The following ZNF324B variants were observed in gnomAD, a reference collection of about 807,000 sequenced individuals.
ZNF324B encodes zinc finger protein 324B.
ZNF324B carries 7 observed loss-of-function variants against 10.6 expected under a neutral mutation model. That is an observed-to-expected ratio of 0.66 (90% CI 0.38 to 1.24). The LOEUF (loss-of-function observed/expected upper bound fraction) is 1.24, where lower values mean the gene tolerates loss of function less well. Ranked by LOEUF, ZNF324B falls within the 50% of genes most tolerant of loss-of-function variation. The probability of loss-of-function intolerance (pLI) is 0.02; values close to 1 mark genes in which losing one functional copy is unlikely to be tolerated. For missense variants in ZNF324B, 640 were observed against 764.7 expected (o/e 0.84, Z 1.92); for synonymous variants, 316 against 321.0 (o/e 0.98, Z 0.17).
rs191828709 is a variant in ZNF324B, at chr19:58,455,208, A to G, written c.264A>G (p.Arg88=). The change falls in exon 4 of 4, where the codon AGA becomes AGG. Residue 88 remains arginine (R), a synonymous_variant. Transcript: ENST00000336614. The surrounding 1 kb of genome is among the most constrained non-coding windows in gnomAD (Gnocchi z 7.0). ...NSGSWSLTED[R]DVSGEWPRAF... ...GTTCCTGGAGTTTGACAGAGGATAGAGATGTTTCTGGAGAATGGCCACGAG... is the reference window on the plus strand; with the variant it reads ...GTTCCTGGAGTTTGACAGAGGATAGGGATGTTTCTGGAGAATGGCCACGAG... 1.2e-6 allele frequency: 2 copies of G among 1,614,106 alleles called. No individual in the cohort carries two copies. The highest frequency in any genetic ancestry group is 2.7e-5 in the African/African-American group (2 of 74,984).
chr19:58,423,826 C>A, the ZNF324B span, among the ~76,000 whole-genome samples: 3 of 152,056 alleles, frequency 2.0e-5, no homozygotes, highest in Non-Finnish European at 4.4e-5. Flanking sequence ...AGGATACCCT[C>A]TTCAATAAAT....
chr19:58,450,464 C>CAAA (rs35336344), upstream of ZNF324B, among the ~76,000 whole-genome samples: 14 of 104,864 alleles, frequency 1.3e-4, no homozygotes, highest in African/African-American at 3.2e-4. Context: ...GACCCTGTCT[C>CAAA]AAAAAAAAAA....
At chr19:58,419,621 C>A in the ZNF324B span, among the ~76,000 whole-genome samples, 1 of 152,304 alleles carries the variant, frequency 6.6e-6, no homozygotes, top group Non-Finnish European at 1.5e-5. Context: ...GGGCTGTTCA[C>A]CTCTCATGGC....
upstream of ZNF324B, among the ~76,000 whole-genome samples, chr19:58,450,372 G>A (rs1278936489): frequency 6.6e-6 from 1 of 151,758 alleles, no homozygotes; most frequent in Non-Finnish European, 1.5e-5. Flanking sequence ...GGCTGAAGTT[G>A]GAGGACTGTT....
chr19:58,433,051 C>G, the ZNF324B span: 1 of 357,204 alleles, frequency 2.8e-6, no homozygotes, highest in Non-Finnish European at 5.2e-6. Context: ...GGAAGGAAGG[C>G]TCAGGGTACT....
chr19:58,451,490 A>T (rs1028563168), upstream of ZNF324B: 11 of 381,524 alleles, frequency 2.9e-5, no homozygotes, highest in Non-Finnish European at 5.7e-5. Context: ...GTTGCCATGG[A>T]GACTGGTAAT....
the ZNF324B span, chr19:58,432,999 A>C: frequency 4.8e-6 from 1 of 209,054 alleles, no homozygotes; most frequent in Non-Finnish European, 9.5e-6. Context: ...CTCAACCAGC[A>C]TCGGTTCAGC....
chr19:58,427,402 C>CTT, the ZNF324B span, among the ~76,000 whole-genome samples: 1 of 44,280 alleles, frequency 2.3e-5, no homozygotes, highest in Non-Finnish European at 4.1e-5. Context: ...TTCTTTCTTT[C>CTT]TTTCCTTCCT....
At chr19:58,435,468 T>G in the ZNF324B span, 1 of 395,302 alleles carries the variant, frequency 2.5e-6, no homozygotes, top group Non-Finnish European at 4.6e-6. Context: ...GACATTTCTC[T>G]AAAAGAAGAT....
At position 58,455,677 on chromosome 19, in the gene ZNF324B, G is replaced by C. The variant is rs754088533; in HGVS notation, c.733G>C (p.Glu245Gln). The change falls in exon 4 of 4, where the codon GAG becomes CAG. Residue 245 changes from glutamate (E) to glutamine (Q), a missense_variant. By Grantham distance (29) the Glu-to-Gln change is conservative. Coordinates refer to ENST00000336614, the MANE Select transcript of ZNF324B (RefSeq NM_207395.3). This position sits in a 1 kb window ranked among gnomAD's most constrained non-coding sequence, Gnocchi z 7.0. ...LGGQEPSTWDELGEALHAGEK... is the reference protein window; with the variant it reads ...LGGQEPSTWDQLGEALHAGEK... The stretch of plus-strand genomic sequence containing the variant: ...TGGCCAGGAGCCCTCGACCTGGGAC[G>C]AGCTGGGCGAGGCTCTTCACGCTGG... 1.4e-5 allele frequency: 22 copies of C among 1,613,532 alleles called. No homozygotes were observed. The South Asian group carries it at 1.6e-4, about 12-fold the overall frequency.
chr19:58,427,349 CCTTT>C, the ZNF324B span, among the ~76,000 whole-genome samples: 31 of 56,002 alleles, frequency 5.5e-4, no homozygotes, highest in East Asian at 1.8e-3. Context: ...CTTTCTCTTT[CCTTT>C]CTTTCTTTCT....
chr19:58,424,061 G>A, the ZNF324B span, among the ~76,000 whole-genome samples: 1 of 150,608 alleles, frequency 6.6e-6, no homozygotes, highest in African/African-American at 2.4e-5. Flanking sequence ...CTCACATGGT[G>A]AAACCCCATC....
At chr19:58,437,902 T>C in the ZNF324B span, 12 of 631,638 alleles carry the variant, frequency 1.9e-5, no homozygotes, top group African/African-American at 2.4e-4. Context: ...CCCTCTGATA[T>C]CTTTGCCTTT....
rs763773819 is a variant in ZNF324B, at chr19:58,456,144, G to A, written c.1200G>A (p.Ala400=). ...THTGEKPFVC[A]LCGAAFSQGS... Reference sequence around the variant, plus strand: ...CAGGCGAGAAGCCCTTCGTATGCGCGCTCTGCGGTGCTGCCTTCAGCCAGG... The same window carrying A: ...CAGGCGAGAAGCCCTTCGTATGCGCACTCTGCGGTGCTGCCTTCAGCCAGG... Residue 400 remains alanine (A), a synonymous_variant, in exon 4 of 4, where the codon GCG becomes GCA. Coordinates refer to ENST00000336614, the MANE Select transcript of ZNF324B (RefSeq NM_207395.3). The surrounding 1 kb of genome is among the most constrained non-coding windows in gnomAD (Gnocchi z 4.7). 4.3e-6 allele frequency: 7 copies of A among 1,613,214 alleles called. No homozygotes were observed. The Admixed American group carries it at 6.7e-5, about 15-fold the overall frequency.
Position 58,455,517 on chromosome 19 carries a change from G to A in ZNF324B, c.573G>A (p.Thr191=), listed in dbSNP as rs781731573. 9.3e-6 allele frequency: 15 copies of A among 1,613,900 alleles called. No homozygotes were observed. In the Admixed American group the frequency reaches 1.3e-4, roughly 14 times the overall value. ...EYRVPGRQPR[T]PERQKPCAQE... ...GGGTGCCTGGGAGGCAGCCCAGGACGCCTGAGCGGCAGAAGCCATGTGCAC... is the reference window on the plus strand; with the variant it reads ...GGGTGCCTGGGAGGCAGCCCAGGACACCTGAGCGGCAGAAGCCATGTGCAC... The change falls in exon 4 of 4, where the codon ACG becomes ACA. Residue 191 remains threonine, a synonymous_variant. Transcript: ENST00000336614. The surrounding 1 kb of genome is among the most constrained non-coding windows in gnomAD (Gnocchi z 7.0).
chr19:58,428,198 T>TG, the ZNF324B span, among the ~76,000 whole-genome samples: 1 of 152,236 alleles, frequency 6.6e-6, no homozygotes, highest in Admixed American at 6.5e-5. Context: ...ACAGTATGGA[T>TG]GGACACCACA....
chr19:58,454,913 C>A (rs114530228), intron 3 of ZNF324B: 3 of 606,780 alleles, frequency 4.9e-6, no homozygotes, highest in Non-Finnish European at 9.0e-6. Flanking sequence ...GTGGGTGGCA[C>A]GCAGCAGCTG....
Position 58,453,825 on chromosome 19 carries a change from A to G in ZNF324B, c.121+3A>G, listed in dbSNP as rs1282610566. The G allele has an allele frequency of 1.2e-6, 2 of 1,613,352 alleles. No individual in the cohort carries two copies. The highest frequency in any genetic ancestry group is 1.1e-5 in the South Asian group (1 of 91,008). The stretch of plus-strand genomic sequence containing the variant: ...CTTCACACTTGTGACCTCACTTGGT[A>G]AGGCCCTGGGTGCTCCATGAAAAGT... On this transcript the variant is annotated splice_donor_region_variant and intron_variant, in intron 2 of 3. Transcript: ENST00000336614.
chr19:58,432,196 G>A, the ZNF324B span: 1 of 424,948 alleles, frequency 2.4e-6, no homozygotes, highest in Non-Finnish European at 4.7e-6. Flanking sequence ...CTGGACGTCA[G>A]GCTATCACTT....
Sources: allele counts gnomAD v4.1 joint callset (sites outside exome capture counted in the v4.1 genomes callset), GRCh38; gene constraint gnomAD v4.1.1; non-coding constraint Gnocchi (gnomAD v3.1); transcripts MANE v1.5; gene names NCBI Gene and HGNC (gene_info 2026-07-23, HGNC 2026-07-21).